Variants in HEPHL1 observed in about 807,000 individuals in gnomAD.
HEPHL1 encodes ferroxidase HEPHL1.
In HEPHL1, 123 loss-of-function variants were observed where a neutral mutation model predicts 122.0. The observed-to-expected ratio is 1.01, with a 90% CI of 0.87 to 1.17. The LOEUF is 1.17. Ranked by LOEUF, HEPHL1 falls within the 50% of genes most tolerant of loss-of-function variation. The pLI, the probability that HEPHL1 is intolerant of heterozygous loss-of-function variation, is 0.00. For missense variants in HEPHL1, 1,452 were observed against 1,430.5 expected (o/e 1.01, Z -0.24); for synonymous variants, 527 against 508.9 (o/e 1.04, Z -0.48).
At chr11:94,058,525 T>A (rs1945959248) in intron 2 of HEPHL1, among the ~76,000 whole-genome samples, 1 of 152,054 alleles carries the variant, frequency 6.6e-6, no homozygotes, top group Non-Finnish European at 1.5e-5. Context: ...GGGTAGAGAA[T>A]GGAACTTAGA....
At chr11:94,089,251 G>T (rs1946244945) in intron 12 of HEPHL1, among the ~76,000 whole-genome samples, 1 of 152,190 alleles carries the variant, frequency 6.6e-6, no homozygotes, top group Non-Finnish European at 1.5e-5. Context: ...GAAAGAGGCA[G>T]ATCACATGGT....
intron 2 of HEPHL1, among the ~76,000 whole-genome samples, chr11:94,046,967 C>T (rs1447163587): frequency 6.6e-6 from 1 of 152,160 alleles, no homozygotes; most frequent in African/African-American, 2.4e-5. Flanking sequence ...TGGGCATTAA[C>T]AAATATCCCA....
At chr11:94,092,357 T>A (rs971015573) in intron 12 of HEPHL1, among the ~76,000 whole-genome samples, 1 of 152,236 alleles carries the variant, frequency 6.6e-6, no homozygotes, top group Non-Finnish European at 1.5e-5. Flanking sequence ...AATTTATTTT[T>A]AACCCCAAAA....
chr11:94,023,183 C>T (rs1945596258), intron 1 of HEPHL1, among the ~76,000 whole-genome samples: 1 of 152,270 alleles, frequency 6.6e-6, no homozygotes, highest in Non-Finnish European at 1.5e-5. Context: ...TGCTTTGGTT[C>T]CACAGCCCAT....
chr11:94,052,401 T>C, intron 2 of HEPHL1, among the ~76,000 whole-genome samples: 1 of 151,908 alleles, frequency 6.6e-6, no homozygotes, highest in East Asian at 1.9e-4. Flanking sequence ...GATTACTTTC[T>C]TGATTTCTTT....
intron 9 of HEPHL1, among the ~76,000 whole-genome samples, chr11:94,078,382 T>C (rs988722354): frequency 1.3e-5 from 2 of 148,522 alleles, no homozygotes; most frequent in African/African-American, 5.0e-5. Flanking sequence ...GCCTACTATG[T>C]ACTAACATAT....
At chr11:94,034,497 A>T (rs1945703593) in intron 1 of HEPHL1, among the ~76,000 whole-genome samples, 1 of 152,048 alleles carries the variant, frequency 6.6e-6, no homozygotes, top group Admixed American at 6.6e-5. Context: ...TATCTTTTTG[A>T]TCTATAGTGT....
At chr11:94,037,727 C>T (rs934616686) in intron 1 of HEPHL1, among the ~76,000 whole-genome samples, 14 of 151,864 alleles carry the variant, frequency 9.2e-5, no homozygotes, top group Non-Finnish European at 1.9e-4. Flanking sequence ...TGTACATCAC[C>T]ATCATCAAAG....
At position 94,072,929 on chromosome 11, in the gene HEPHL1, C is replaced by T. The variant is rs757170694; in HGVS notation, c.1233-96C>T. The T allele has an allele frequency of 6.4e-5, 73 of 1,136,968 alleles. 1 individual carries two copies. The highest frequency in any genetic ancestry group is 4.3e-4 in the Admixed American group (19 of 44,392). The allele number at this position is 1,136,968 out of a possible 1,614,324, so 70.4% of individuals were successfully genotyped here. A position where few individuals can be genotyped will look rare whatever the true frequency, so the allele number is the denominator to read the frequency against. The stretch of plus-strand genomic sequence containing the variant: ...TGTCTTTTCTGGGGACATGGGTGGG[C>T]GAGTGGACTAAAAGTGATAGAATGA... On this transcript the variant is annotated intron_variant, in intron 6 of 19. Coordinates refer to ENST00000315765, the MANE Select transcript of HEPHL1 (RefSeq NM_001098672.2).
At chr11:94,087,044 T>A (rs1946224429) in intron 11 of HEPHL1, among the ~76,000 whole-genome samples, 1 of 152,230 alleles carries the variant, frequency 6.6e-6, no homozygotes. Context: ...ATTAAGAACT[T>A]GAGGCTTGGG....
At chr11:94,047,317 C>T (rs1591468192) in intron 2 of HEPHL1, among the ~76,000 whole-genome samples, 1 of 152,156 alleles carries the variant, frequency 6.6e-6, no homozygotes, top group Non-Finnish European at 1.5e-5. Context: ...GGAATTAAGC[C>T]TAGTCCCCAT....
At chr11:94,043,297 C>T (rs1038091528) in intron 1 of HEPHL1, among the ~76,000 whole-genome samples, 4 of 152,052 alleles carry the variant, frequency 2.6e-5, no homozygotes, top group Non-Finnish European at 5.9e-5. Context: ...CTGTGGTTAC[C>T]TGAAGCTCCA....
chr11:94,080,111 G>T (rs957293379), intron 9 of HEPHL1, among the ~76,000 whole-genome samples: 1 of 152,114 alleles, frequency 6.6e-6, no homozygotes, highest in African/African-American at 2.4e-5. Context: ...TAGAGCAATT[G>T]AGCAAAATAG....
At chr11:94,076,726 G>T (rs950142344) in intron 9 of HEPHL1, among the ~76,000 whole-genome samples, 2 of 152,136 alleles carry the variant, frequency 1.3e-5, no homozygotes, top group African/African-American at 4.8e-5. Context: ...TACCTGCTAT[G>T]TGCCAGGCCC....
chr11:94,049,232 A>G (rs751555662), intron 2 of HEPHL1, among the ~76,000 whole-genome samples: 6 of 152,104 alleles, frequency 3.9e-5, no homozygotes, highest in Non-Finnish European at 7.4e-5. Flanking sequence ...AACATCACTA[A>G]TCATTGGGGA....
At chr11:94,064,648 A>G in intron 4 of HEPHL1, 138 bp downstream of exon 4, 1 of 624,744 alleles carries the variant, frequency 1.6e-6, no homozygotes, top group South Asian at 2.1e-5. Flanking sequence ...TTAGAAAGTG[A>G]TACAATACAT....
chr11:94,107,086 G>A (rs1053645774), intron 17 of HEPHL1, among the ~76,000 whole-genome samples: 3 of 152,198 alleles, frequency 2.0e-5, no homozygotes, highest in Non-Finnish European at 1.5e-5. Context: ...TCTGTCATCC[G>A]AAGTTCTCAG....
chr11:94,075,516 C>T (rs1946114732), intron 9 of HEPHL1, 131 bp downstream of exon 9: 1 of 644,128 alleles, frequency 1.6e-6, no homozygotes, highest in Non-Finnish European at 2.7e-6. Flanking sequence ...TAGATTTCTA[C>T]ATAATGGAGA....
chr11:94,080,568 C>G (rs1946162306), intron 9 of HEPHL1, among the ~76,000 whole-genome samples: 1 of 152,090 alleles, frequency 6.6e-6, no homozygotes, highest in Non-Finnish European at 1.5e-5. Context: ...GTCTAATATC[C>G]AGAATCTACA....
Sources: gnomAD v4.1 joint callset for allele counts (sites outside exome capture counted in the v4.1 genomes callset) on GRCh38, gnomAD v4.1.1 for gene constraint, MANE v1.5 for transcripts, NCBI Gene and HGNC (gene_info 2026-07-23, HGNC 2026-07-21) for gene names.